Variants in MAP3K15 observed in about 807,000 individuals in gnomAD.
The protein encoded by MAP3K15 is MAPK/ERK kinase kinase 15.
In MAP3K15, 124 loss-of-function variants were observed where a neutral mutation model predicts 99.5. The ratio of observed to expected loss-of-function variants is 1.25; its 90% CI spans 1.08 to 1.45. The LOEUF (loss-of-function observed/expected upper bound fraction) is 1.45. Among genes scored for constraint, MAP3K15 ranks in the 40% most tolerant of loss-of-function variants. The pLI is 0.00. For missense variants in MAP3K15, 1,242 were observed against 1,079.7 expected, an observed-to-expected ratio of 1.15 and a Z score of -2.11; for synonymous variants, 494 against 439.6, an observed-to-expected ratio of 1.12 and a Z score of -1.55.
chrX:19,412,511 T>G (rs1453095680), intron 11 of MAP3K15, among the ~76,000 whole-genome samples: 1 of 109,994 alleles, frequency 9.1e-6, no homozygotes, highest in Non-Finnish European at 1.9e-5. Context: ...AGGATGGAAA[T>G]GAAAGGGTAG....
At chrX:19,507,931 G>A (rs937757855) in intron 1 of MAP3K15, among the ~76,000 whole-genome samples, 18 of 112,260 alleles carry the variant, frequency 1.6e-4, no homozygotes, top group African/African-American at 5.5e-4. Flanking sequence ...GCAATGGCAC[G>A]ATCTCAGCTC....
chrX:19,425,712 TAGTC>T (rs1309417628), intron 8 of MAP3K15, 22 bp from the exon 9 acceptor site: 3 of 1,169,282 alleles, frequency 2.6e-6, no homozygotes, highest in South Asian at 1.9e-5. Context: ...GAATTTTTGA[TAGTC>T]AGAATAATCT....
chrX:19,512,874 G>A (rs1454341075), intron 1 of MAP3K15, among the ~76,000 whole-genome samples: 2 of 111,235 alleles, frequency 1.8e-5, no homozygotes, highest in Admixed American at 9.6e-5. Flanking sequence ...ATTGGACAGA[G>A]TGGTTTTAGA....
chrX:19,378,286 T>A (rs1158834494), intron 19 of MAP3K15, among the ~76,000 whole-genome samples: 1 of 112,659 alleles, frequency 8.9e-6, no homozygotes, highest in Non-Finnish European at 1.9e-5. Flanking sequence ...CAGTGCCCCA[T>A]GGAAGGTCAG....
chrX:19,425,927 T>C (rs766204672), intron 8 of MAP3K15, among the ~76,000 whole-genome samples: 115 of 111,139 alleles, frequency 1.0e-3, no homozygotes, highest in Non-Finnish European at 1.5e-3. Flanking sequence ...GAGACCAGCC[T>C]GTCCACCATG....
At chrX:19,389,070 A>G (rs2063509992) in intron 18 of MAP3K15, among the ~76,000 whole-genome samples, 1 of 110,881 alleles carries the variant, frequency 9.0e-6, no homozygotes, top group African/African-American at 3.3e-5. Context: ...CATTCCAAGC[A>G]TATGAATATC....
chrX:19,379,134 T>C (rs1327205856), intron 19 of MAP3K15, among the ~76,000 whole-genome samples: 1 of 110,697 alleles, frequency 9.0e-6, no homozygotes, highest in African/African-American at 3.3e-5. Flanking sequence ...AGAGAACTTA[T>C]AACTTTAAGG....
At position 19,408,479 on chromosome X, in the gene MAP3K15, C is replaced by T. The variant is rs188125159; in HGVS notation, c.1749-1196G>A. The stretch of plus-strand genomic sequence containing the variant: ...ACCAGCCTGACCAACATGGCAAAAC[C>T]CTGACTCTACAAAAAATACAAAAAT... On this transcript the variant is annotated intron_variant, in intron 12 of 28. Transcript: ENST00000338883. 18 of 161,028 alleles carry T rather than the reference C, an allele frequency of 1.1e-4. No individual in the cohort carries two copies. The East Asian group carries it at 4.5e-3, about 40-fold the overall frequency. 13.3% of individuals were successfully genotyped at this position (161,028 alleles called of 1,213,427 possible).
At chrX:19,487,551 A>G (rs2064337770) in intron 2 of MAP3K15, among the ~76,000 whole-genome samples, 1 of 111,960 alleles carries the variant, frequency 8.9e-6, no homozygotes, top group Non-Finnish European at 1.9e-5. Context: ...AGCCCTGGGG[A>G]AACTATTCTA....
At chrX:19,477,221 A>G (rs60185379) in intron 3 of MAP3K15, among the ~76,000 whole-genome samples, 10,991 of 110,562 alleles carry the variant, frequency 0.099, 1,085 homozygotes, top group African/African-American at 0.3. Context: ...GAAATCTGAC[A>G]TTACCCCTCT....
At chrX:19,506,691 T>A (rs1226889503) in intron 1 of MAP3K15, among the ~76,000 whole-genome samples, 2 of 109,987 alleles carry the variant, frequency 1.8e-5, no homozygotes, top group Non-Finnish European at 3.8e-5. Context: ...CCCAGCTAAT[T>A]TTTTGTATTT....
intron 11 of MAP3K15, among the ~76,000 whole-genome samples, chrX:19,412,484 A>C (rs932857698): frequency 1.8e-5 from 2 of 111,449 alleles, no homozygotes; most frequent in Non-Finnish European, 3.8e-5. Context: ...CGGAAGAAGG[A>C]AATCCCAAAA....
chrX:19,486,541 G>A, intron 2 of MAP3K15, 36 bp from the exon 3 acceptor site: 1 of 749,265 alleles, frequency 1.3e-6, no homozygotes, highest in Non-Finnish European at 1.8e-6. Context: ...ATAGCTTTTT[G>A]TAAAACAGCT....
chrX:19,383,732 G>C (rs2063475611), intron 18 of MAP3K15, among the ~76,000 whole-genome samples: 1 of 112,094 alleles, frequency 8.9e-6, no homozygotes, highest in Admixed American at 9.5e-5. Context: ...GCATATGAAA[G>C]GGTGCTCAAC....
intron 1 of MAP3K15, among the ~76,000 whole-genome samples, chrX:19,491,705 CTTAT>C (rs1330013927): frequency 9.1e-6 from 1 of 110,445 alleles, no homozygotes; most frequent in African/African-American, 3.3e-5. Context: ...TTTTTACTTA[CTTAT>C]TTATTTTTGA....
intron 9 of MAP3K15, among the ~76,000 whole-genome samples, chrX:19,416,398 G>A (rs960924492): frequency 3.6e-5 from 4 of 110,816 alleles, no homozygotes; most frequent in African/African-American, 3.3e-5. Context: ...TGAGAAGTTC[G>A]TCTCTCCAGT....
rs2063674549 is a variant in MAP3K15, at chrX:19,409,921, T to TAC, written c.1748+1_1748+2dup. On this transcript the variant is annotated splice_region_variant and intron_variant, in intron 12 of 28. Coordinates refer to ENST00000338883, the MANE Select transcript of MAP3K15 (RefSeq NM_001001671.4). ...GTAACTCCATTTTCTCCTATGTTCT[T>TAC]ACCTTATTCCCTTTATGGAAGAGGC... is the stretch of plus-strand genomic sequence containing the variant. The TAC allele has an allele frequency of 1.7e-6, 2 of 1,191,359 alleles. No individual in the cohort carries two copies. Among genetic ancestry groups the TAC allele is most frequent in the East Asian group, 5.9e-5 (2 of 33,683 alleles).
chrX:19,363,839 G>C (rs1440293278), intron 25 of MAP3K15, among the ~76,000 whole-genome samples: 1 of 110,615 alleles, frequency 9.0e-6, no homozygotes, highest in African/African-American at 3.3e-5. Context: ...TTTTAGTAGA[G>C]ACAGGGTTAC....
chrX:19,482,853 A>C (rs1414182964), intron 3 of MAP3K15, among the ~76,000 whole-genome samples: 1 of 111,938 alleles, frequency 8.9e-6, no homozygotes, highest in African/African-American at 3.3e-5. Context: ...AGGTGATACC[A>C]TGTTTCCAAA....
Sources: allele counts gnomAD v4.1 joint callset (sites outside exome capture counted in the v4.1 genomes callset), GRCh38; gene constraint gnomAD v4.1.1; transcripts MANE v1.5; gene names NCBI Gene and HGNC (gene_info 2026-07-23, HGNC 2026-07-21).